BLM: variants seen among roughly 807,000 people sequenced by gnomAD.
BLM encodes the protein recQ-like DNA helicase BLM.
A neutral mutation model predicts 135.3 loss-of-function variants in BLM; 95 were observed. The ratio of observed to expected loss-of-function variants is 0.70; its 90% CI spans 0.59 to 0.83. The LOEUF is 0.83. Ranked by LOEUF, BLM falls within the 40% of genes least tolerant of loss-of-function variation. The pLI, the probability that BLM is intolerant of heterozygous loss-of-function variation, is 0.00. For synonymous variants in BLM, 520 were observed against 589.2 expected (o/e 0.88, Z 1.70); for missense variants, 1,518 against 1,663.9 (o/e 0.91, Z 1.53).
At chr15:90,747,329 A>C in intron 1 of BLM, 60 bp from the exon 2 acceptor site, 1 of 1,355,634 alleles carries the variant, frequency 7.4e-7, no homozygotes, top group South Asian at 1.2e-5. Flanking sequence ...CCCCTCAAAA[A>C]ACATTGTGAT....
At position 90,815,413 on chromosome 15, in the gene BLM, G is replaced by C. The variant is rs1476181738; in HGVS notation, c.*134G>C. 1 of 947,310 alleles carries C rather than the reference G, an allele frequency of 1.1e-6. No individual in the cohort carries two copies. Among genetic ancestry groups the C allele is most frequent in the Non-Finnish European group, 1.6e-6 (1 of 629,416 alleles). 58.7% of individuals were successfully genotyped at this position (947,310 alleles called of 1,614,324 possible). A position where few individuals can be genotyped will look rare whatever the true frequency, so the allele number is the denominator to read the frequency against. ...TCTATTAATATTTAAATAAATGCTG[G>C]GGGGTGATAGTTCTTCTTTTTAAAA... On this transcript the variant is annotated 3_prime_UTR_variant, in exon 22 of 22. Coordinates refer to ENST00000355112, the MANE Select transcript of BLM (RefSeq NM_000057.4). The surrounding 1 kb of genome is among the most constrained non-coding windows in gnomAD (Gnocchi z 4.6).
chr15:90,798,425 G>A (rs2151190591), intron 17 of BLM, 88 bp downstream of exon 17: 3 of 1,408,728 alleles, frequency 2.1e-6, no homozygotes, highest in Non-Finnish European at 2.9e-6. Context: ...AAAACTTTTT[G>A]TCTATTTTCT....
intron 14 of BLM, among the ~76,000 whole-genome samples, chr15:90,786,258 G>A (rs911725941): frequency 3.9e-5 from 6 of 152,030 alleles, no homozygotes; most frequent in Non-Finnish European, 7.4e-5. Flanking sequence ...AAATTCCTGC[G>A]ATTATAGGTG....
chr15:90,783,148 C>A (rs1291829579), intron 13 of BLM, among the ~76,000 whole-genome samples: 5 of 152,162 alleles, frequency 3.3e-5, no homozygotes, highest in African/African-American at 4.8e-5. Flanking sequence ...ATTAAATACT[C>A]CCTCCTACAC....
At position 90,782,822 on chromosome 15, in the gene BLM, G is replaced by C; in HGVS notation, c.2556G>C (p.Val852=). The change falls in exon 13 of 22, where the codon GTG becomes GTC. Residue 852 remains valine (V), a splice_region_variant and synonymous_variant. Coordinates refer to ENST00000355112, the MANE Select transcript of BLM (RefSeq NM_000057.4). The stretch of plus-strand genomic sequence containing the variant: ...AATTTTATGTTTGGGACTTTTTTAG[G>C]TTTAGCATGAGCTTTAACAGACATA... ...LTQLKILRPQ[V]FSMSFNRHNL... 1 of 1,606,992 alleles carries C rather than the reference G, an allele frequency of 6.2e-7. No homozygotes were observed. Among genetic ancestry groups the C allele is most frequent in the South Asian group, 1.1e-5 (1 of 90,956 alleles).
intron 12 of BLM, among the ~76,000 whole-genome samples, chr15:90,774,465 G>A (rs1468609463): frequency 1.3e-5 from 2 of 151,976 alleles, no homozygotes; most frequent in Non-Finnish European, 2.9e-5. Flanking sequence ...TTTTATTACA[G>A]CTATATGAAG....
chr15:90,730,757 T>G (rs1282145322), intron 1 of BLM, among the ~76,000 whole-genome samples: 2 of 152,168 alleles, frequency 1.3e-5, no homozygotes, highest in Non-Finnish European at 2.9e-5. Flanking sequence ...GATAAGAGTT[T>G]TCATTATGAA....
chr15:90,809,374 A>G, intron 20 of BLM, 115 bp downstream of exon 20: 3 of 1,539,450 alleles, frequency 1.9e-6, no homozygotes, highest in Non-Finnish European at 2.7e-6. Context: ...TCACACTGAC[A>G]TCCAAGTCAG....
intron 1 of BLM, among the ~76,000 whole-genome samples, chr15:90,746,791 A>G (rs1442272669): frequency 6.6e-6 from 1 of 152,170 alleles, no homozygotes; most frequent in African/African-American, 2.4e-5. Context: ...ATCCTGGGCT[A>G]TAGCTCAGCG....
Position 90,811,415 on chromosome 15 carries a change from T to C in BLM, c.4076+9T>C, listed in dbSNP as rs1272366101. 1 of 1,613,590 alleles carries C rather than the reference T, an allele frequency of 6.2e-7. No individual in the cohort carries two copies. The highest frequency in any genetic ancestry group is 8.5e-7 in the Non-Finnish European group (1 of 1,179,562). ...GGTTCCAAGGCAAAGGGGTATGTTT[T>C]GTGACATCTTTTTCAATATAGGGAA... On this transcript the variant is annotated intron_variant, in intron 21 of 21. Transcript: ENST00000355112.
At chr15:90,750,634 CTCA>C (rs1895656688) in intron 3 of BLM, among the ~76,000 whole-genome samples, 1 of 152,174 alleles carries the variant, frequency 6.6e-6, no homozygotes, top group African/African-American at 2.4e-5. Flanking sequence ...CTCTCTTCAT[CTCA>C]TCATATAGGC....
chr15:90,722,311 G>T (rs930891512), intron 1 of BLM, among the ~76,000 whole-genome samples: 1 of 151,962 alleles, frequency 6.6e-6, no homozygotes, highest in Non-Finnish European at 1.5e-5. Flanking sequence ...GGGTTTCACT[G>T]TGTTAGCCAG....
At chr15:90,751,556 A>G (rs1360567362) in intron 3 of BLM, among the ~76,000 whole-genome samples, 1 of 152,212 alleles carries the variant, frequency 6.6e-6, no homozygotes, top group Non-Finnish European at 1.5e-5. Flanking sequence ...GAAAATCCCT[A>G]AGCAAATCTT....
intron 6 of BLM, 32 bp downstream of exon 6, chr15:90,760,311 C>G: frequency 6.2e-7 from 1 of 1,612,224 alleles, no homozygotes; most frequent in Non-Finnish European, 8.5e-7. Flanking sequence ...TGGAATATAT[C>G]TGATTATATT....
intron 10 of BLM, 121 bp from the exon 11 acceptor site, chr15:90,769,012 C>T (rs1896217443): frequency 1.1e-6 from 1 of 892,912 alleles, no homozygotes; most frequent in South Asian, 1.3e-5. Flanking sequence ...AGGCGTGAGC[C>T]ACCGCACCCG....
intron 16 of BLM, 47 bp downstream of exon 16, chr15:90,794,404 C>A: frequency 7.1e-7 from 1 of 1,404,968 alleles, no homozygotes; most frequent in South Asian, 1.4e-5. Flanking sequence ...TTTTTTTTCT[C>A]TTACTTTAAA....
intron 21 of BLM, among the ~76,000 whole-genome samples, chr15:90,812,418 A>G (rs1476162841): frequency 2.0e-5 from 3 of 148,644 alleles, no homozygotes; most frequent in Non-Finnish European, 3.0e-5. Context: ...GGGGAACAAC[A>G]AAGACAGCAT....
At position 90,761,055 on chromosome 15, in the gene BLM, TTGA is replaced by T. The variant is rs768095141; in HGVS notation, c.1695_1697del (p.Asp566del). On this transcript the variant is annotated inframe_deletion, in exon 7 of 22. Transcript: ENST00000355112. ...ATTGATAATTTTGACATAGATGACT[TTGA>T]TGATGATGATGACTGGGAAGACATA... 3.8e-6 allele frequency: 6 copies of T among 1,586,880 alleles called. No homozygotes were observed. Among genetic ancestry groups the T allele is most frequent in the Admixed American group, 1.8e-5 (1 of 54,328 alleles).
chr15:90,814,023 T>C (rs1006425777), intron 21 of BLM, among the ~76,000 whole-genome samples: 3 of 152,220 alleles, frequency 2.0e-5, no homozygotes, highest in Non-Finnish European at 4.4e-5. Context: ...CAGCAGGTTT[T>C]CTCTCTGGGC....
Sources: allele counts gnomAD v4.1 joint callset (sites outside exome capture counted in the v4.1 genomes callset), GRCh38; gene constraint gnomAD v4.1.1; non-coding constraint Gnocchi (gnomAD v3.1); transcripts MANE v1.5; gene names NCBI Gene and HGNC (gene_info 2026-07-23, HGNC 2026-07-21).